The following AHCYL2 variants were observed in gnomAD, a reference collection of about 807,000 sequenced individuals.
AHCYL2 encodes adenosylhomocysteinase like 2.
Under a neutral mutation model 81.4 loss-of-function variants are expected in AHCYL2, and 28 were observed. The ratio of observed to expected loss-of-function variants is 0.34; its 90% confidence interval spans 0.25 to 0.47. AHCYL2 has a LOEUF of 0.47. Ranked by LOEUF, AHCYL2 falls within the 20% of genes least tolerant of loss-of-function variation. AHCYL2 has a pLI of 1.00. For missense variants in AHCYL2, 551 were observed against 785.1 expected (o/e 0.70, Z 3.56); for synonymous variants, 272 against 290.2 (o/e 0.94, Z 0.64).
At chr7:129,296,108 T>C (rs572567834) in intron 1 of AHCYL2, among the ~76,000 whole-genome samples, 3 of 152,320 alleles carry the variant, frequency 2.0e-5, no homozygotes, top group Non-Finnish European at 2.9e-5. Flanking sequence ...TTGGAGACTT[T>C]AGAAGTGTGA....
chr7:129,326,156 T>G (rs1200236966), intron 1 of AHCYL2, among the ~76,000 whole-genome samples: 1 of 152,222 alleles, frequency 6.6e-6, no homozygotes, highest in African/African-American at 2.4e-5. Flanking sequence ...GATCATTTTC[T>G]TAGAATAAAT....
At chr7:129,250,575 A>G (rs897884629) in intron 1 of AHCYL2, among the ~76,000 whole-genome samples, 1 of 152,196 alleles carries the variant, frequency 6.6e-6, no homozygotes, top group Non-Finnish European at 1.5e-5. Flanking sequence ...AATGTTGAAT[A>G]GAAGTGGCAA....
chr7:129,407,682 G>C (rs183592419), intron 10 of AHCYL2, among the ~76,000 whole-genome samples: 1 of 152,262 alleles, frequency 6.6e-6, no homozygotes, highest in African/African-American at 2.4e-5. Context: ...CACTTACTAT[G>C]CATTAGATAC....
chr7:129,267,230 G>GGTGTGTGTGTGTGTATGT (rs1554472002), intron 1 of AHCYL2, among the ~76,000 whole-genome samples: 3,333 of 59,152 alleles, frequency 0.056, 86 homozygotes, highest in Middle Eastern at 0.17. Flanking sequence ...TCACTCAAGG[G>GGTGTGTGTGTGTGTATGT]GTGTGTGTGT....
intron 1 of AHCYL2, among the ~76,000 whole-genome samples, chr7:129,314,447 A>G (rs1186394977): frequency 1.3e-5 from 2 of 152,176 alleles, no homozygotes; most frequent in Non-Finnish European, 2.9e-5. Flanking sequence ...AGACTGGGTG[A>G]CTTAAAAACA....
chr7:129,245,379 A>G (rs1203207862), intron 1 of AHCYL2, among the ~76,000 whole-genome samples: 2 of 152,120 alleles, frequency 1.3e-5, no homozygotes, highest in Non-Finnish European at 2.9e-5. Flanking sequence ...CATTTTATAC[A>G]TTTTTAAGTG....
intron 1 of AHCYL2, among the ~76,000 whole-genome samples, chr7:129,254,382 C>T (rs1237202218): frequency 6.6e-6 from 1 of 152,074 alleles, no homozygotes; most frequent in Non-Finnish European, 1.5e-5. Flanking sequence ...CCTTTCAAAC[C>T]AGTAATATCC....
At chr7:129,375,730 A>G in intron 1 of AHCYL2, 6 of 1,460,762 alleles carry the variant, frequency 4.1e-6, no homozygotes, top group Non-Finnish European at 9.0e-7. Flanking sequence ...AGGGATTCCA[A>G]GGAAGAGTAG....
intron 1 of AHCYL2, among the ~76,000 whole-genome samples, chr7:129,226,941 G>A (rs1563157318): frequency 6.6e-6 from 1 of 152,104 alleles, no homozygotes; most frequent in Non-Finnish European, 1.5e-5. Flanking sequence ...TCATTTTCTT[G>A]TGATAAAGAC....
At chr7:129,320,678 A>T (rs1797983419) in intron 1 of AHCYL2, among the ~76,000 whole-genome samples, 1 of 152,160 alleles carries the variant, frequency 6.6e-6, no homozygotes, top group Non-Finnish European at 1.5e-5. Context: ...TTTGAAGTTC[A>T]GTGGTTTTTA....
intron 1 of AHCYL2, among the ~76,000 whole-genome samples, chr7:129,266,049 A>G (rs1795801084): frequency 6.6e-6 from 1 of 152,200 alleles, no homozygotes; most frequent in African/African-American, 2.4e-5. Flanking sequence ...CAAAATGAGG[A>G]TAATTGTATT....
intron 1 of AHCYL2, among the ~76,000 whole-genome samples, chr7:129,369,234 C>A (rs1381165202): frequency 6.6e-6 from 1 of 152,034 alleles, no homozygotes; most frequent in African/African-American, 2.4e-5. Flanking sequence ...CAATAACCAT[C>A]CTTATGTTTC....
At chr7:129,287,356 T>A (rs1796674151) in intron 1 of AHCYL2, among the ~76,000 whole-genome samples, 1 of 152,252 alleles carries the variant, frequency 6.6e-6, no homozygotes, top group Admixed American at 6.5e-5. Flanking sequence ...ACAAGAGTTA[T>A]CACCATTACT....
chr7:129,422,249 A>G (rs931122249), intron 12 of AHCYL2, among the ~76,000 whole-genome samples: 1 of 152,234 alleles, frequency 6.6e-6, no homozygotes, highest in African/African-American at 2.4e-5. Flanking sequence ...CACTTAGGTC[A>G]CAAAGCTTCT....
chr7:129,251,874 A>G (rs989428506), intron 1 of AHCYL2, among the ~76,000 whole-genome samples: 1 of 152,150 alleles, frequency 6.6e-6, no homozygotes, highest in Non-Finnish European at 1.5e-5. Flanking sequence ...CTTCTGAGTT[A>G]TTATAGTGGC....
chr7:129,341,547 T>A (rs1793180567), intron 1 of AHCYL2, among the ~76,000 whole-genome samples: 1 of 152,164 alleles, frequency 6.6e-6, no homozygotes, highest in South Asian at 2.1e-4. Flanking sequence ...TAGAATTAAC[T>A]AAAAGCATAG....
At chr7:129,421,728 T>C (rs979608982) in intron 12 of AHCYL2, among the ~76,000 whole-genome samples, 1 of 152,248 alleles carries the variant, frequency 6.6e-6, no homozygotes, top group African/African-American at 2.4e-5. Flanking sequence ...TGGTACTTCC[T>C]TGGGGATAGG....
chr7:129,277,798 G>A (rs950605617), intron 1 of AHCYL2, among the ~76,000 whole-genome samples: 9 of 152,162 alleles, frequency 5.9e-5, no homozygotes, highest in African/African-American at 1.7e-4. Context: ...TTGCATAGTA[G>A]TACCATCGTA....
At chr7:129,262,159 G>T (rs1306205026) in intron 1 of AHCYL2, among the ~76,000 whole-genome samples, 1 of 152,114 alleles carries the variant, frequency 6.6e-6, no homozygotes, top group African/African-American at 2.4e-5. Context: ...TCTCAAGGAG[G>T]TCACAATATA....
Sources: allele counts gnomAD v4.1 joint callset (sites outside exome capture counted in the v4.1 genomes callset), GRCh38; gene constraint gnomAD v4.1.1; transcripts MANE v1.5; gene names NCBI Gene and HGNC (gene_info 2026-07-23, HGNC 2026-07-21).